COL4A5: variants seen among roughly 807,000 people sequenced by gnomAD.
COL4A5 encodes collagen type IV alpha 5 chain.
COL4A5 carries 26 observed loss-of-function variants against 130.2 expected under a neutral mutation model. The ratio of observed to expected loss-of-function variants is 0.20; its 90% CI spans 0.15 to 0.28. The LOEUF (loss-of-function observed/expected upper bound fraction) is 0.28. Ranked by LOEUF, COL4A5 falls within the 10% of genes least tolerant of loss-of-function variation. The pLI, the probability that COL4A5 is intolerant of heterozygous loss-of-function variation, is 1.00. For synonymous variants in COL4A5, 496 were observed against 439.6 expected (o/e 1.13, Z -1.60); for missense variants, 1,131 against 1,344.3 (o/e 0.84, Z 2.48).
chrX:108,627,228 T>C lies in COL4A5; in HGVS notation c.3246+879T>C, dbSNP rs889331702. The C allele has an allele frequency of 2.7e-5, 16 of 590,773 alleles. No homozygotes were observed. The African/African-American group carries it at 3.8e-4, about 14-fold the overall frequency. 48.7% of individuals were successfully genotyped at this position (590,773 alleles called of 1,213,427 possible). ...TTATATTTATATTTTACCAGTGACA[T>C]TGAATATATGATTTTATTAAAAAAT... On this transcript the variant is annotated intron_variant, in intron 36 of 52. Transcript: ENST00000328300.
intron 49 of COL4A5, 31 bp downstream of exon 49, chrX:108,687,725 TG>T (rs776637342): frequency 1.5e-5 from 18 of 1,172,060 alleles, no homozygotes; most frequent in Admixed American, 8.7e-5. Context: ...TTTCCTACTG[TG>T]CCTTTTGTTT....
chrX:108,450,019 T>C (rs772448033), intron 1 of COL4A5, among the ~76,000 whole-genome samples: 8 of 111,982 alleles, frequency 7.1e-5, no homozygotes, highest in Admixed American at 1.9e-4. Context: ...TTAGTAGTTG[T>C]ATTCGTCATA....
At chrX:108,598,327 A>G (rs1387921596) in intron 24 of COL4A5, among the ~76,000 whole-genome samples, 1 of 112,512 alleles carries the variant, frequency 8.9e-6, no homozygotes, top group Non-Finnish European at 1.9e-5. Flanking sequence ...AAGATTTAAC[A>G]TAAATGAACA....
chrX:108,455,494 T>C (rs1240957335), intron 1 of COL4A5, among the ~76,000 whole-genome samples: 3 of 112,333 alleles, frequency 2.7e-5, no homozygotes, highest in Admixed American at 9.4e-5. Context: ...ACAAAGTGTA[T>C]ACCAATCATA....
chrX:108,661,899 A>T (rs2067962748), intron 37 of COL4A5, among the ~76,000 whole-genome samples: 1 of 110,738 alleles, frequency 9.0e-6, no homozygotes, highest in African/African-American at 3.3e-5. Context: ...TATTTAAAAA[A>T]TTTCATTTAG....
Position 108,648,809 on chromosome X carries a change from C to G in COL4A5, c.3247-6522C>G, listed in dbSNP as rs914990950. 2.7e-5 allele frequency among the ~76,000 whole-genome samples: 3 copies of G among 111,564 alleles called. No individual in the cohort carries two copies. The Admixed American group carries it at 2.9e-4, about 11-fold the overall frequency. On this transcript the variant is annotated intron_variant, in intron 36 of 52. Coordinates refer to ENST00000328300, the MANE Select transcript of COL4A5 (RefSeq NM_033380.3). ...GTACTGAATGGGGAAAAGTTGAAAGCTTTCCCTCTGAGAACTGGAACAAGA... is the reference window on the plus strand; with the variant it reads ...GTACTGAATGGGGAAAAGTTGAAAGGTTTCCCTCTGAGAACTGGAACAAGA...
chrX:108,662,907 T>G (rs1378429446), intron 37 of COL4A5, among the ~76,000 whole-genome samples: 1 of 111,862 alleles, frequency 8.9e-6, no homozygotes, highest in African/African-American at 3.3e-5. Context: ...GCCAAGACAA[T>G]CCTAAGCAAA....
chrX:108,473,618 T>A (rs1242532448), intron 1 of COL4A5, among the ~76,000 whole-genome samples: 1 of 39,156 alleles, frequency 2.6e-5, no homozygotes, highest in Non-Finnish European at 5.6e-5. Flanking sequence ...TATATGTATA[T>A]ATATATATAT....
intron 36 of COL4A5, among the ~76,000 whole-genome samples, chrX:108,650,299 C>G (rs1471408183): frequency 1.8e-5 from 2 of 110,775 alleles, no homozygotes; most frequent in African/African-American, 6.6e-5. Context: ...ATGCGGTGAT[C>G]AGGGAACACT....
intron 1 of COL4A5, among the ~76,000 whole-genome samples, chrX:108,452,973 A>G (rs1365256867): frequency 9.0e-6 from 1 of 110,586 alleles, no homozygotes; most frequent in Admixed American, 9.7e-5. Context: ...TGTCATAGAT[A>G]GCTCTTATTA....
intron 38 of COL4A5, among the ~76,000 whole-genome samples, 177 bp downstream of exon 38, chrX:108,665,764 A>C (rs1485785325): frequency 8.9e-6 from 1 of 112,604 alleles, no homozygotes; most frequent in African/African-American, 3.2e-5. Context: ...AAAGTGCTTA[A>C]AATTGGCTGG....
intron 36 of COL4A5, chrX:108,626,846 C>A (rs967395237): frequency 1.3e-6 from 1 of 772,486 alleles, no homozygotes. Flanking sequence ...CTCAAGTAAT[C>A]AAATTTAGAA....
In COL4A5 at chrX:108,696,516, T is replaced by C. The variant is rs1260404904; in HGVS notation, c.*138T>C. The C allele has an allele frequency of 6.7e-6, 3 of 448,508 alleles. No homozygotes were observed. In the Admixed American group the frequency reaches 1.1e-4, roughly 16 times the overall value. 37.0% of individuals were successfully genotyped at this position (448,508 alleles called of 1,213,427 possible). On this transcript the variant is annotated 3_prime_UTR_variant, in exon 53 of 53. Transcript: ENST00000328300. Reference sequence around the variant, plus strand: ...ACTATATATGATCAAGATAACATGCTGACTAGTAACCATGAAGATTCAGAT... The same window carrying C: ...ACTATATATGATCAAGATAACATGCCGACTAGTAACCATGAAGATTCAGAT...
chrX:108,695,476 T>C (rs1432807428), intron 52 of COL4A5, 37 bp downstream of exon 52: 1 of 1,161,909 alleles, frequency 8.6e-7, no homozygotes, highest in Non-Finnish European at 1.2e-6. Flanking sequence ...GTCCAAAGCT[T>C]CCTTCAGAGA....
chrX:108,669,954 A>C, intron 41 of COL4A5: 1 of 328,886 alleles, frequency 3.0e-6, no homozygotes, highest in Non-Finnish European at 5.3e-6. Context: ...GTCTGAGCTC[A>C]TAGTAATGAT....
chrX:108,526,671 CTCTTTCTTTCTTTCTTTCTTTCTT>C (rs71946950), intron 1 of COL4A5, among the ~76,000 whole-genome samples: 41 of 41,882 alleles, frequency 9.8e-4, no homozygotes, highest in South Asian at 6.4e-3. Flanking sequence ...TTCTTTCTTT[CTCTTTCTTTCTTTCTTTCTTTCTT>C]TCTTTCTTTC....
chrX:108,585,371 A>T, intron 18 of COL4A5, among the ~76,000 whole-genome samples: 1 of 112,268 alleles, frequency 8.9e-6, no homozygotes, highest in East Asian at 2.8e-4. Context: ...AAGATCTTAG[A>T]TATTTTTTAT....
intron 1 of COL4A5, among the ~76,000 whole-genome samples, chrX:108,526,585 CTCCCTCCCTCCTTTCTTTCT>C (rs1272397418): frequency 1.6e-5 from 1 of 63,398 alleles, no homozygotes. Context: ...CCCTCCCTCC[CTCCCTCCCTCCTTTCTTTCT>C]TTCTTTCTTT....
At chrX:108,492,655 G>C (rs1014023350) in intron 1 of COL4A5, among the ~76,000 whole-genome samples, 1 of 111,641 alleles carries the variant, frequency 9.0e-6, no homozygotes, top group Non-Finnish European at 1.9e-5. Flanking sequence ...AGCACTACTA[G>C]AGGATCCCCA....
Sources: allele counts gnomAD v4.1 joint callset (sites outside exome capture counted in the v4.1 genomes callset), GRCh38; gene constraint gnomAD v4.1.1; transcripts MANE v1.5; gene names NCBI Gene and HGNC (gene_info 2026-07-23, HGNC 2026-07-21).